AGPAT4: variants seen among roughly 807,000 people sequenced by gnomAD.
AGPAT4 encodes 1-acyl-sn-glycerol-3-phosphate acyltransferase delta.
Under a neutral mutation model 48.0 loss-of-function variants are expected in AGPAT4, and 15 were observed. The ratio of observed to expected loss-of-function variants is 0.31; its 90% CI spans 0.21 to 0.48. AGPAT4 has a LOEUF of 0.48. AGPAT4 is among the 20% of genes least tolerant of loss of function. AGPAT4 has a pLI of 0.99. For synonymous variants in AGPAT4, 178 were observed against 198.7 expected (o/e 0.90, Z 0.88); for missense variants, 314 against 482.5 (o/e 0.65, Z 3.27).
rs1383965161 is a variant in AGPAT4 at position 161,229,017 on chromosome 6, T to C, written c.178+3019A>G. Among the ~76,000 whole-genome samples, 1 of 152,108 alleles carries C rather than the reference T, an allele frequency of 6.6e-6. No individual in the cohort carries two copies. The highest frequency in any genetic ancestry group is 1.5e-5 in the Non-Finnish European group (1 of 68,022). On this transcript the variant is annotated intron_variant, in intron 2 of 8. Transcript: ENST00000320285. This position sits in a 1 kb window ranked among gnomAD's most constrained non-coding sequence, Gnocchi z 6.0. ...GTGTCCTGCTGTTAGCCAAGCTGTC[T>C]TTACTGCTTGTTTTGTCTCTATTTG...
intron 2 of AGPAT4, among the ~76,000 whole-genome samples, chr6:161,167,833 C>T (rs182323267): frequency 2.6e-5 from 4 of 152,298 alleles, no homozygotes; most frequent in Non-Finnish European, 5.9e-5. Flanking sequence ...TGGGGTTGCC[C>T]CAAAGGGTTC....
At chr6:161,186,912 G>T (rs1357360883) in intron 2 of AGPAT4, among the ~76,000 whole-genome samples, 1 of 152,126 alleles carries the variant, frequency 6.6e-6, no homozygotes, top group Non-Finnish European at 1.5e-5. Context: ...GTTCAAATAA[G>T]ACCACCCACT....
In AGPAT4 at chr6:161,137,708, C is replaced by T. The variant is rs1416054182; in HGVS notation, c.1043-1074G>A. 6.6e-6 allele frequency among the ~76,000 whole-genome samples: 1 copy of T among 152,120 alleles called. No individual in the cohort carries two copies. Among genetic ancestry groups the T allele is most frequent in the Admixed American group, 6.5e-5 (1 of 15,276 alleles). ...CAGGCGCAGGCTCAGAGTAATGGGG[C>T]ACGGCAGTCAGCTCCTCAGATGCTC... On this transcript the variant is annotated intron_variant, in intron 8 of 8. Transcript: ENST00000320285. The surrounding 1 kb of genome is among the most constrained non-coding windows in gnomAD (Gnocchi z 6.1).
rs1781265601 is a variant in AGPAT4, at chr6:161,202,600, G to C, written c.178+29436C>G. Among the ~76,000 whole-genome samples, 1 of 152,154 alleles carries C rather than the reference G, an allele frequency of 6.6e-6. No individual in the cohort carries two copies. Among genetic ancestry groups the C allele is most frequent in the African/African-American group, 2.4e-5 (1 of 41,430 alleles). On this transcript the variant is annotated intron_variant, in intron 2 of 8. Transcript: ENST00000320285. The surrounding 1 kb of genome is among the most constrained non-coding windows in gnomAD (Gnocchi z 5.4). ...TAAAAATTACCATCTATAACAGACTGTATTTTCCAAAGATGGCTACAATAA... is the reference window on the plus strand; with the variant it reads ...TAAAAATTACCATCTATAACAGACTCTATTTTCCAAAGATGGCTACAATAA...
At chr6:161,194,317 C>T (rs182283065) in intron 2 of AGPAT4, among the ~76,000 whole-genome samples, 49 of 152,168 alleles carry the variant, frequency 3.2e-4, no homozygotes, top group African/African-American at 9.9e-4. Flanking sequence ...GTAATTTGGA[C>T]GCACGACACT....
chr6:161,154,109 C>T lies in AGPAT4; in HGVS notation c.510+40G>A. On this transcript the variant is annotated intron_variant, in intron 4 of 8. Coordinates refer to ENST00000320285, the MANE Select transcript of AGPAT4 (RefSeq NM_020133.3). The surrounding 1 kb of genome is among the most constrained non-coding windows in gnomAD (Gnocchi z 7.8). ...TGGGGGTCCCACGGTCACAGTCCTG[C>T]AGGAGCCCTTGGGACACAGCTGCTC... 6.2e-7 allele frequency: 1 copy of T among 1,613,294 alleles called. No individual in the cohort carries two copies.
rs1404719560 is a variant in AGPAT4 at position 161,255,220 on chromosome 6, G to A, written c.-90+18718C>T. On this transcript the variant is annotated intron_variant, in intron 1 of 8. Transcript: ENST00000320285. This position sits in a 1 kb window ranked among gnomAD's most constrained non-coding sequence, Gnocchi z 4.7. Reference sequence around the variant, plus strand: ...GCTTGACGTAGGTCCAAAGAGCAAAGGAACTTGGATTTGAAAGTCCGAGAC... The same window carrying A: ...GCTTGACGTAGGTCCAAAGAGCAAAAGAACTTGGATTTGAAAGTCCGAGAC... Among the ~76,000 whole-genome samples the A allele has an allele frequency of 6.6e-6, 1 of 152,168 alleles. No individual in the cohort carries two copies. Among genetic ancestry groups the A allele is most frequent in the Non-Finnish European group, 1.5e-5 (1 of 68,028 alleles).
Position 161,171,384 on chromosome 6 carries a change from C to T in AGPAT4, c.179-4967G>A, listed in dbSNP as rs1216902314. On this transcript the variant is annotated intron_variant, in intron 2 of 8. Coordinates refer to ENST00000320285, the MANE Select transcript of AGPAT4 (RefSeq NM_020133.3). This position sits in a 1 kb window ranked among gnomAD's most constrained non-coding sequence, Gnocchi z 4.4. ...TCAAGAGGGCTGCATCTGGCAAGGT[C>T]CTTCTTGCTGTGTCATCCCATAGGG... 6.6e-6 allele frequency among the ~76,000 whole-genome samples: 1 copy of T among 152,184 alleles called. No homozygotes were observed. Among genetic ancestry groups the T allele is most frequent in the Non-Finnish European group, 1.5e-5 (1 of 68,028 alleles).
At chr6:161,183,023 C>T (rs1020524992) in intron 2 of AGPAT4, among the ~76,000 whole-genome samples, 1 of 152,158 alleles carries the variant, frequency 6.6e-6, no homozygotes, top group Non-Finnish European at 1.5e-5. Flanking sequence ...CAATGCACCT[C>T]AATGGGAGAA....
chr6:161,154,262 C>T lies in AGPAT4; in HGVS notation c.397G>A (p.Gly133Ser), dbSNP rs1258880928. 1 of 1,614,028 alleles carries T rather than the reference C, an allele frequency of 6.2e-7. No individual in the cohort carries two copies. The change falls in exon 4 of 9, where the codon GGC becomes AGC. Residue 133 changes from glycine (G) to serine (S), a missense_variant. By Grantham distance (56) the Gly-to-Ser change is moderately conservative. Coordinates refer to ENST00000320285, the MANE Select transcript of AGPAT4 (RefSeq NM_020133.3). The surrounding 1 kb of genome is among the most constrained non-coding windows in gnomAD (Gnocchi z 7.8). ...ATCTCGGTGAAGTACCACATCCAGC[C>T]GATAATTGGGACATAGGCCAGCTCT... Reference protein sequence around the residue: ...KKELAYVPIIGWMWYFTEMVF... With the variant: ...KKELAYVPIISWMWYFTEMVF...
Position 161,134,149 on chromosome 6 carries a change from G to A in AGPAT4, c.*2391C>T, listed in dbSNP as rs1488270954. ...AGAAAGAGGTCCAGATCTCTCCCCA[G>A]CACGCCACATTCTCTTTCGGCTCTA... On this transcript the variant is annotated 3_prime_UTR_variant, in exon 9 of 9. Transcript: ENST00000320285. 2.6e-5 allele frequency: 4 copies of A among 152,148 alleles called. No homozygotes were observed. The highest frequency in any genetic ancestry group is 2.6e-4 in the Admixed American group (4 of 15,278). The allele number at this position is 152,148 out of a possible 1,614,324, so 9.4% of individuals were successfully genotyped here. A position where few individuals can be genotyped will look rare whatever the true frequency, so the allele number is the denominator to read the frequency against.
At chr6:161,170,423 G>GT in intron 2 of AGPAT4, among the ~76,000 whole-genome samples, 2 of 151,788 alleles carry the variant, frequency 1.3e-5, no homozygotes, top group East Asian at 3.9e-4. Context: ...TAGTCTTATA[G>GT]TTTTTTCCCC....
intron 2 of AGPAT4, among the ~76,000 whole-genome samples, chr6:161,207,657 A>C (rs893962616): frequency 2.0e-5 from 3 of 152,236 alleles, no homozygotes; most frequent in African/African-American, 7.2e-5. Flanking sequence ...CCGCCATAAA[A>C]AGTAAATGAA....
chr6:161,157,498 A>G (rs1440225067), intron 3 of AGPAT4, among the ~76,000 whole-genome samples: 1 of 152,250 alleles, frequency 6.6e-6, no homozygotes, highest in Non-Finnish European at 1.5e-5. Context: ...TTTTTTGTAG[A>G]CACAGGGTCT....
intron 1 of AGPAT4, among the ~76,000 whole-genome samples, chr6:161,256,234 G>T (rs908550387): frequency 1.3e-5 from 2 of 152,182 alleles, no homozygotes; most frequent in Admixed American, 1.3e-4. Context: ...TATAGGCAAT[G>T]GGCAAAGCTG....
rs1583339662 is a variant in AGPAT4, at chr6:161,218,896, A to G, written c.178+13140T>C. 2.0e-5 allele frequency among the ~76,000 whole-genome samples: 3 copies of G among 151,446 alleles called. No individual in the cohort carries two copies. The South Asian group carries it at 6.3e-4, about 32-fold the overall frequency. Reference sequence around the variant, plus strand: ...ACTGTATCTACCAAACAGTATGATAAAACACTGTATCTACCAAAGCGTTTC... The same window carrying G: ...ACTGTATCTACCAAACAGTATGATAGAACACTGTATCTACCAAAGCGTTTC... On this transcript the variant is annotated intron_variant, in intron 2 of 8. Coordinates refer to ENST00000320285, the MANE Select transcript of AGPAT4 (RefSeq NM_020133.3). The surrounding 1 kb of genome is among the most constrained non-coding windows in gnomAD (Gnocchi z 4.7).
chr6:161,230,986 T>C (rs987222020), intron 2 of AGPAT4, among the ~76,000 whole-genome samples: 17 of 152,228 alleles, frequency 1.1e-4, no homozygotes, highest in African/African-American at 3.9e-4. Flanking sequence ...CAAATAAGAC[T>C]GGATAAGTGG....
chr6:161,136,665 T>C, intron 8 of AGPAT4, 31 bp from the exon 9 acceptor site: 4 of 1,597,066 alleles, frequency 2.5e-6, no homozygotes, highest in South Asian at 2.2e-5. Context: ...GAGTTAGGAG[T>C]AGCCCAAACA....
intron 2 of AGPAT4, among the ~76,000 whole-genome samples, chr6:161,176,570 C>A (rs1242254842): frequency 6.6e-6 from 1 of 152,168 alleles, no homozygotes; most frequent in Non-Finnish European, 1.5e-5. Flanking sequence ...ATACAGCACA[C>A]TGATGGGTCT....
Sources: gnomAD v4.1 joint callset for allele counts (sites outside exome capture counted in the v4.1 genomes callset) on GRCh38, gnomAD v4.1.1 for gene constraint, Gnocchi (gnomAD v3.1) non-coding constraint, MANE v1.5 for transcripts, NCBI Gene and HGNC (gene_info 2026-07-23, HGNC 2026-07-21) for gene names.